NPSR1: variants seen among roughly 807,000 people sequenced by gnomAD.
NPSR1 encodes neuropeptide S receptor 1.
Under a neutral mutation model 46.9 loss-of-function variants are expected in NPSR1, and 48 were observed. The observed-to-expected ratio is 1.02, with a 90% CI of 0.81 to 1.30. The LOEUF is 1.30. Among genes scored for constraint, NPSR1 ranks in the 50% most tolerant of loss-of-function variants. The probability of loss-of-function intolerance (pLI) is 0.00; values close to 1 mark genes in which losing one functional copy is unlikely to be tolerated. For missense variants in NPSR1, 450 were observed against 449.5 expected, an observed-to-expected ratio of 1.00 and a Z score of -0.01; for synonymous variants, 176 against 168.1, an observed-to-expected ratio of 1.05 and a Z score of -0.36.
At chr7:34,661,291 C>T (rs1791439221) in intron 1 of NPSR1, among the ~76,000 whole-genome samples, 2 of 152,200 alleles carry the variant, frequency 1.3e-5, no homozygotes, top group South Asian at 4.1e-4. Context: ...GCCAATGAGA[C>T]CAAAGTCGGT....
At chr7:34,782,962 T>G (rs1787298117) in intron 3 of NPSR1, among the ~76,000 whole-genome samples, 1 of 152,010 alleles carries the variant, frequency 6.6e-6, no homozygotes, top group Non-Finnish European at 1.5e-5. Context: ...ATAGAAATTC[T>G]GGAGCTAAAA....
chr7:34,759,793 G>A (rs565401920), intron 2 of NPSR1, among the ~76,000 whole-genome samples: 1 of 152,342 alleles, frequency 6.6e-6, no homozygotes, highest in Non-Finnish European at 1.5e-5. Flanking sequence ...GATATTTGGA[G>A]TTATCACAAA....
intron 2 of NPSR1, among the ~76,000 whole-genome samples, chr7:34,724,483 G>A (rs898270900): frequency 1.3e-5 from 2 of 152,236 alleles, no homozygotes; most frequent in African/African-American, 4.8e-5. Context: ...GGTTCAGAGA[G>A]GGAGAGAAAG....
At chr7:34,779,570 C>T in intron 3 of NPSR1, 1 of 1,259,816 alleles carries the variant, frequency 7.9e-7, no homozygotes, top group Non-Finnish European at 1.0e-6. Flanking sequence ...ATTCCATATT[C>T]AGAAAATGAA....
rs1230716523 is a variant in NPSR1, at chr7:34,790,960, T to A, written c.384+12395T>A. On this transcript the variant is annotated intron_variant, in intron 3 of 8. Transcript: ENST00000360581. The stretch of plus-strand genomic sequence containing the variant: ...TATTATATATCATATATGTTATATG[T>A]TATATTATATATGTTATATGTTATA... 5.3e-4 allele frequency among the ~76,000 whole-genome samples: 46 copies of A among 87,260 alleles called. 2 individuals carry two copies. The highest frequency in any genetic ancestry group is 1.3e-3 in the African/African-American group (35 of 26,474). The allele number at this position is 87,260 out of a possible 152,430, so 57.2% of individuals were successfully genotyped here. A position where few individuals can be genotyped will look rare whatever the true frequency, so the allele number is the denominator to read the frequency against.
intron 2 of NPSR1, among the ~76,000 whole-genome samples, chr7:34,765,403 C>T (rs1369268986): frequency 6.6e-6 from 1 of 152,122 alleles, no homozygotes; most frequent in Admixed American, 6.6e-5. Flanking sequence ...ATTAAAAATA[C>T]TTCATGAAAG....
At chr7:34,787,381 C>T (rs975675881) in intron 3 of NPSR1, among the ~76,000 whole-genome samples, 18 of 152,170 alleles carry the variant, frequency 1.2e-4, no homozygotes, top group Admixed American at 9.8e-4. Flanking sequence ...CTTAATGTTG[C>T]AACTAGTTTG....
At chr7:34,804,260 A>C (rs140909359) in intron 3 of NPSR1, among the ~76,000 whole-genome samples, 142 of 152,248 alleles carry the variant, frequency 9.3e-4, no homozygotes, top group African/African-American at 3.2e-3. Context: ...AAAAATTCTC[A>C]ATAAATATTA....
intron 6 of NPSR1, 85 bp downstream of exon 6, chr7:34,834,545 C>T: frequency 1.1e-6 from 1 of 931,076 alleles, no homozygotes; most frequent in Non-Finnish European, 1.8e-6. Flanking sequence ...CTAGGGACTC[C>T]TTGATACACA....
At chr7:34,850,304 G>T (rs1037071179), downstream of NPSR1, among the ~76,000 whole-genome samples, 1 of 152,016 alleles carries the variant, frequency 6.6e-6, no homozygotes, top group African/African-American at 2.4e-5. Context: ...AAGGGATACT[G>T]GTTCTGATAG....
rs546814688 is a variant in NPSR1, at chr7:34,669,301, G to A, written c.147+10742G>A. Among the ~76,000 whole-genome samples the A allele has an allele frequency of 7.9e-5, 12 of 152,274 alleles. No individual in the cohort carries two copies. The East Asian group carries it at 1.9e-3, about 25-fold the overall frequency. ...AGGAAACTTGTTTATGGTGGCTCAC[G>A]CCTGTAATCCCAGCACTTTGGGAGA... On this transcript the variant is annotated intron_variant, in intron 1 of 8. Coordinates refer to ENST00000360581, the MANE Select transcript of NPSR1 (RefSeq NM_207172.2).
At chr7:34,784,190 A>G (rs1392460297) in intron 3 of NPSR1, among the ~76,000 whole-genome samples, 2 of 152,220 alleles carry the variant, frequency 1.3e-5, no homozygotes, top group Non-Finnish European at 2.9e-5. Context: ...TCTCCTGCCT[A>G]ATGGCCCTGG....
intron 2 of NPSR1, among the ~76,000 whole-genome samples, chr7:34,754,544 C>T (rs568202060): frequency 2.7e-4 from 41 of 152,120 alleles, no homozygotes; most frequent in African/African-American, 9.6e-4. Flanking sequence ...CCAGTACCAC[C>T]TCTTCCCCCC....
chr7:34,763,317 G>C (rs1294597565), intron 2 of NPSR1, among the ~76,000 whole-genome samples: 1 of 152,080 alleles, frequency 6.6e-6, no homozygotes, highest in Non-Finnish European at 1.5e-5. Flanking sequence ...TGATTAATGT[G>C]GTTCCATCTG....
chr7:34,672,287 T>A (rs1379747676), intron 1 of NPSR1, among the ~76,000 whole-genome samples: 1 of 152,230 alleles, frequency 6.6e-6, no homozygotes, highest in Non-Finnish European at 1.5e-5. Context: ...AATCTCAGAA[T>A]TTAATTGTTT....
chr7:34,858,621 C>T (rs1386247347), intron 8 of NPSR1, among the ~76,000 whole-genome samples: 1 of 151,880 alleles, frequency 6.6e-6, no homozygotes, highest in Admixed American at 6.6e-5. Flanking sequence ...TTCCACATTG[C>T]TGGGGAGGTT....
In NPSR1 at chr7:34,827,605, A is replaced by C; in HGVS notation, c.680+3A>C. The C allele has an allele frequency of 8.7e-7, 1 of 1,148,022 alleles. No homozygotes were observed. Among genetic ancestry groups the C allele is most frequent in the Non-Finnish European group, 1.2e-6 (1 of 814,932 alleles). 71.1% of individuals were successfully genotyped at this position (1,148,022 alleles called of 1,614,324 possible). A position where few individuals can be genotyped will look rare whatever the true frequency, so the allele number is the denominator to read the frequency against. On this transcript the variant is annotated splice_donor_region_variant and intron_variant, in intron 5 of 8. Transcript: ENST00000360581. ...TTCATCCCTCTGACAATCATCAGGTAAGAAGCCGTCAGGACAGGACCACAC... is the reference window on the plus strand; with the variant it reads ...TTCATCCCTCTGACAATCATCAGGTCAGAAGCCGTCAGGACAGGACCACAC...
At chr7:34,826,564 A>G (rs993356170) in intron 4 of NPSR1, among the ~76,000 whole-genome samples, 1 of 152,222 alleles carries the variant, frequency 6.6e-6, no homozygotes, top group Non-Finnish European at 1.5e-5. Context: ...TGAGGGATTA[A>G]GATGAGAGTT....
In NPSR1 at chr7:34,694,544, C is replaced by T. The variant is rs139131646; in HGVS notation, c.280+9860C>T. Among the ~76,000 whole-genome samples the T allele has an allele frequency of 4.9e-3, 741 of 152,268 alleles. 2 individuals are homozygous for T. The highest frequency in any genetic ancestry group is 0.015 in the African/African-American group (636 of 41,560). On this transcript the variant is annotated intron_variant, in intron 2 of 8. Transcript: ENST00000360581. ...AACACACATGACTGGAAAAACATCC[C>T]ATGCTCATGGATTGGAAAATTTAAT... is the stretch of plus-strand genomic sequence containing the variant.
Sources: allele counts gnomAD v4.1 joint callset (sites outside exome capture counted in the v4.1 genomes callset), GRCh38; gene constraint gnomAD v4.1.1; transcripts MANE v1.5; gene names NCBI Gene and HGNC (gene_info 2026-07-23, HGNC 2026-07-21).